ADGRB3: variants seen among roughly 807,000 people sequenced by gnomAD.
The protein encoded by ADGRB3 is adhesion G protein-coupled receptor B3.
Under a neutral mutation model 193.4 loss-of-function variants are expected in ADGRB3, and 37 were observed. The ratio of observed to expected loss-of-function variants is 0.19; its 90% CI spans 0.15 to 0.25. ADGRB3 has a LOEUF of 0.25. Ranked by LOEUF, ADGRB3 falls within the 10% of genes least tolerant of loss-of-function variation. ADGRB3 has a pLI of 1.00. For missense variants in ADGRB3, 1,637 were observed against 1,852.9 expected (o/e 0.88, Z 2.14); for synonymous variants, 690 against 644.2 (o/e 1.07, Z -1.08).
At chr6:68,825,039 T>C (rs1301954087) in intron 3 of ADGRB3, among the ~76,000 whole-genome samples, 1 of 152,048 alleles carries the variant, frequency 6.6e-6, no homozygotes, top group Admixed American at 6.6e-5. Context: ...TTTGTATTTT[T>C]AGTAGAGACG....
chr6:69,228,452 A>G (rs2127254426), intron 17 of ADGRB3, among the ~76,000 whole-genome samples: 1 of 152,226 alleles, frequency 6.6e-6, no homozygotes, highest in East Asian at 1.9e-4. Flanking sequence ...ATGATGTTGA[A>G]TGGAAAGCAT....
At position 69,088,773 on chromosome 6, in the gene ADGRB3, C is replaced by T. The variant is rs557495238; in HGVS notation, c.2480+12735C>T. 1.3e-4 allele frequency among the ~76,000 whole-genome samples: 20 copies of T among 152,158 alleles called. No homozygotes were observed. In the South Asian group the frequency reaches 3.8e-3, roughly 29 times the overall value. On this transcript the variant is annotated intron_variant, in intron 17 of 31. Transcript: ENST00000370598. ...TGCCACAGAAAATACAAAGTGATTC[C>T]GTGTTCATGGGAGGAATTCATAATT...
chr6:68,734,670 A>G (rs1444630474), intron 3 of ADGRB3, among the ~76,000 whole-genome samples: 1 of 152,018 alleles, frequency 6.6e-6, no homozygotes, highest in African/African-American at 2.4e-5. Flanking sequence ...AACCAATTAC[A>G]AGGGCACTCC....
rs536285415 is a variant in ADGRB3, at chr6:68,763,841, G to A, written c.757+124409G>A. Among the ~76,000 whole-genome samples the A allele has an allele frequency of 6.6e-5, 10 of 152,302 alleles. No individual in the cohort carries two copies. The East Asian group carries it at 1.7e-3, about 27-fold the overall frequency. Reference sequence around the variant, plus strand: ...TAATCCCAGGACTTTGGGAGGCCGAGGCAGGCTGATTGCTTGAGCCCAGGA... The same window carrying A: ...TAATCCCAGGACTTTGGGAGGCCGAAGCAGGCTGATTGCTTGAGCCCAGGA... On this transcript the variant is annotated intron_variant, in intron 3 of 31. Coordinates refer to ENST00000370598, the MANE Select transcript of ADGRB3 (RefSeq NM_001704.3).
chr6:69,000,917 A>T (rs752832007), intron 11 of ADGRB3, among the ~76,000 whole-genome samples: 1 of 152,212 alleles, frequency 6.6e-6, no homozygotes, highest in Non-Finnish European at 1.5e-5. Flanking sequence ...AACAGTCCAT[A>T]CATAATATTT....
chr6:69,388,079 A>C (rs113993251), intron 31 of ADGRB3, among the ~76,000 whole-genome samples: 2,393 of 147,818 alleles, frequency 0.016, 58 homozygotes, highest in African/African-American at 0.052. Context: ...AAGTTTAAAA[A>C]AGTATTTAGA....
At chr6:68,656,990 C>T (rs149111629) in intron 3 of ADGRB3, among the ~76,000 whole-genome samples, 13 of 151,544 alleles carry the variant, frequency 8.6e-5, no homozygotes, top group African/African-American at 1.4e-4. Context: ...TAATCTAAAA[C>T]GTTGTTTTAG....
intron 17 of ADGRB3, among the ~76,000 whole-genome samples, chr6:69,079,167 A>G (rs1235609515): frequency 6.6e-6 from 1 of 152,076 alleles, no homozygotes; most frequent in Admixed American, 6.6e-5. Flanking sequence ...TTATTTTACT[A>G]TCATTAGACA....
At chr6:69,071,663 T>C (rs183467611) in intron 16 of ADGRB3, among the ~76,000 whole-genome samples, 3 of 152,312 alleles carry the variant, frequency 2.0e-5, no homozygotes, top group African/African-American at 4.8e-5. Context: ...GAATATAATT[T>C]CCTTTTCTTT....
At chr6:69,259,011 A>G (rs867393404) in intron 20 of ADGRB3, among the ~76,000 whole-genome samples, 1 of 152,198 alleles carries the variant, frequency 6.6e-6, no homozygotes, top group Non-Finnish European at 1.5e-5. Flanking sequence ...GTAATCTTCT[A>G]CTTACCTCAG....
chr6:69,248,482 T>A (rs1262329077), intron 20 of ADGRB3, among the ~76,000 whole-genome samples: 1 of 152,222 alleles, frequency 6.6e-6, no homozygotes, highest in African/African-American at 2.4e-5. Context: ...AAAGATCTGT[T>A]GACCAAAGTA....
chr6:68,668,554 G>T (rs1768856898), intron 3 of ADGRB3, among the ~76,000 whole-genome samples: 1 of 151,826 alleles, frequency 6.6e-6, no homozygotes, highest in Admixed American at 6.6e-5. Context: ...TAGTTTTTTA[G>T]ATATAGGAAA....
At chr6:69,082,939 T>C (rs1477969765) in intron 17 of ADGRB3, among the ~76,000 whole-genome samples, 1 of 152,206 alleles carries the variant, frequency 6.6e-6, no homozygotes, top group Non-Finnish European at 1.5e-5. Context: ...TACTTGTTGA[T>C]ATTGCATTAA....
chr6:68,892,920 A>G (rs1766119893), intron 3 of ADGRB3, among the ~76,000 whole-genome samples: 1 of 152,138 alleles, frequency 6.6e-6, no homozygotes, highest in African/African-American at 2.4e-5. Flanking sequence ...TAAAGCCTCA[A>G]GTAGAGTCCC....
At chr6:68,696,659 A>C (rs1035028340) in intron 3 of ADGRB3, among the ~76,000 whole-genome samples, 1 of 151,886 alleles carries the variant, frequency 6.6e-6, no homozygotes, top group African/African-American at 2.4e-5. Flanking sequence ...TTTTCTAATG[A>C]TTACCAGTAA....
chr6:69,134,508 T>G (rs965360871), intron 17 of ADGRB3, among the ~76,000 whole-genome samples: 18 of 152,066 alleles, frequency 1.2e-4, no homozygotes, highest in Non-Finnish European at 2.5e-4. Flanking sequence ...ACTTCATATC[T>G]CATATTGCAG....
At chr6:68,962,611 T>A (rs762022133) in intron 8 of ADGRB3, among the ~76,000 whole-genome samples, 138 of 152,278 alleles carry the variant, frequency 9.1e-4, no homozygotes, top group Non-Finnish European at 1.6e-3. Context: ...AAAAGAAAAA[T>A]TTAAGCACCA....
chr6:69,126,386 A>G (rs938871650), intron 17 of ADGRB3, among the ~76,000 whole-genome samples: 20 of 152,312 alleles, frequency 1.3e-4, no homozygotes, highest in African/African-American at 4.8e-4. Context: ...GAACGTTGGT[A>G]GAGTGGCTCA....
intron 3 of ADGRB3, among the ~76,000 whole-genome samples, chr6:68,914,195 C>A (rs1440904737): frequency 3.3e-5 from 5 of 150,660 alleles, no homozygotes; most frequent in Non-Finnish European, 5.9e-5. Flanking sequence ...ACAGAGAATG[C>A]CACAAAGATA....
Sources: allele counts gnomAD v4.1 joint callset (sites outside exome capture counted in the v4.1 genomes callset), GRCh38; gene constraint gnomAD v4.1.1; transcripts MANE v1.5; gene names NCBI Gene and HGNC (gene_info 2026-07-23, HGNC 2026-07-21).